COL3A1: variants seen among roughly 807,000 people sequenced by gnomAD.
COL3A1 encodes collagen alpha-1(III) chain.
Under a neutral mutation model 200.9 loss-of-function variants are expected in COL3A1, and 46 were observed. The observed-to-expected ratio is 0.23, with a 90% CI of 0.18 to 0.29. COL3A1 has a LOEUF of 0.29. Among genes scored for constraint, COL3A1 ranks in the 10% least tolerant of loss-of-function variants. COL3A1 has a pLI of 1.00. For missense variants in COL3A1, 1,367 were observed against 1,917.6 expected (o/e 0.71, Z 5.36); for synonymous variants, 650 against 628.0 (o/e 1.03, Z -0.52).
chr2:189,000,073 T>C (rs956998905), intron 32 of COL3A1, among the ~76,000 whole-genome samples, 178 bp downstream of exon 32: 2 of 152,152 alleles, frequency 1.3e-5, no homozygotes, highest in African/African-American at 4.8e-5. Flanking sequence ...GGCTACTTGA[T>C]AGATCTACAG....
chr2:188,986,598 C>T (rs969895885), intron 4 of COL3A1, among the ~76,000 whole-genome samples: 4 of 151,908 alleles, frequency 2.6e-5, no homozygotes, highest in African/African-American at 9.7e-5. Context: ...ATCTTTTAGT[C>T]ATATTAACCA....
chr2:188,976,357 G>T (rs1307386253), intron 1 of COL3A1, among the ~76,000 whole-genome samples: 3 of 151,884 alleles, frequency 2.0e-5, no homozygotes, highest in Non-Finnish European at 4.4e-5. Flanking sequence ...TTTCTCTTTA[G>T]ATGCAAAAAA....
rs200449080 is a variant in COL3A1, at chr2:189,007,472, G to A, written c.3256-28G>A. On this transcript the variant is annotated intron_variant, in intron 44 of 50. Transcript: ENST00000304636. ...TTTTCCAATATGTATGTGTGTATAT[G>A]ACTTCAATTCAAAATATGTTTCTAA... 7.2e-3 allele frequency: 11,164 copies of A among 1,550,406 alleles called. 57 individuals carry two copies. Among genetic ancestry groups the A allele is most frequent in the Non-Finnish European group, 8.7e-3 (9,872 of 1,128,774 alleles).
chr2:188,999,730 T>G, intron 31 of COL3A1, 112 bp from the exon 32 acceptor site: 1 of 1,369,668 alleles, frequency 7.3e-7, no homozygotes, highest in Non-Finnish European at 1.0e-6. Flanking sequence ...AAAGCAACAA[T>G]GAATTAGAAC....
chr2:188,984,615 C>A lies in COL3A1; in HGVS notation c.80-145C>A, dbSNP rs1361200574. 3 of 709,934 alleles carry A rather than the reference C, an allele frequency of 4.2e-6. No homozygotes were observed. The East Asian group carries it at 8.0e-5, about 19-fold the overall frequency. The allele number at this position is 709,934 out of a possible 1,614,324, so 44.0% of individuals were successfully genotyped here. On this transcript the variant is annotated intron_variant, in intron 1 of 50. Coordinates refer to ENST00000304636, the MANE Select transcript of COL3A1 (RefSeq NM_000090.4). ...TTGCTACTTAGCAAATTACATAGGGCAAGTATAATTTTCTAATGAAAGGAA... is the reference window on the plus strand; with the variant it reads ...TTGCTACTTAGCAAATTACATAGGGAAAGTATAATTTTCTAATGAAAGGAA...
At chr2:188,974,593 A>G (rs1271672215) in intron 1 of COL3A1, 25 bp downstream of exon 1, 13 of 1,589,488 alleles carry the variant, frequency 8.2e-6, no homozygotes, top group Non-Finnish European at 1.1e-5. Flanking sequence ...ATTTCAAGAA[A>G]CTTTATGGGA....
rs1056924348 is a variant in COL3A1 at position 188,994,535 on chromosome 2, C to T, written c.1294-6C>T. On this transcript the variant is annotated splice_polypyrimidine_tract_variant and splice_region_variant and intron_variant, in intron 18 of 50. Coordinates refer to ENST00000304636, the MANE Select transcript of COL3A1 (RefSeq NM_000090.4). This position sits in a 1 kb window ranked among gnomAD's most constrained non-coding sequence, Gnocchi z 4.5. Reference sequence around the variant, plus strand: ...GTGTTTCAACCAAGACTTTGTTATACTTTAGGGTGAGCCTGGTAAGAATGG... The same window carrying T: ...GTGTTTCAACCAAGACTTTGTTATATTTTAGGGTGAGCCTGGTAAGAATGG... 1.2e-6 allele frequency: 2 copies of T among 1,614,008 alleles called. No homozygotes were observed. Among genetic ancestry groups the T allele is most frequent in the Non-Finnish European group, 1.7e-6 (2 of 1,179,980 alleles).
Position 188,999,805 on chromosome 2 carries a change from T to A in COL3A1, c.2230-37T>A, listed in dbSNP as rs531144271. 2.3e-5 allele frequency: 37 copies of A among 1,578,332 alleles called. No homozygotes were observed. In the South Asian group the frequency reaches 4.1e-4, roughly 17 times the overall value. The stretch of plus-strand genomic sequence containing the variant: ...CTTCTTGGCTGATTTTCACTGAAGA[T>A]ACTTTGAATCTGATGACATTGGCTT... On this transcript the variant is annotated intron_variant, in intron 31 of 50. Transcript: ENST00000304636.
chr2:188,993,543 A>G (rs1688233392), intron 16 of COL3A1, 84 bp downstream of exon 16: 3 of 1,168,826 alleles, frequency 2.6e-6, no homozygotes, highest in Non-Finnish European at 3.7e-6. Context: ...CCATGAAAGC[A>G]TGTGCTTCAA....
chr2:188,979,503 C>T (rs1687905482), intron 1 of COL3A1, among the ~76,000 whole-genome samples: 1 of 151,782 alleles, frequency 6.6e-6, no homozygotes, highest in African/African-American at 2.4e-5. Flanking sequence ...AAAATGTATG[C>T]AGGGTTTCTG....
intron 1 of COL3A1, among the ~76,000 whole-genome samples, chr2:188,977,415 G>C (rs1482779754): frequency 6.6e-6 from 1 of 152,050 alleles, no homozygotes; most frequent in Non-Finnish European, 1.5e-5. Context: ...GACGTCATGA[G>C]AGTATATTTT....
intron 40 of COL3A1, among the ~76,000 whole-genome samples, chr2:189,004,977 A>G (rs1051717456): frequency 3.3e-5 from 5 of 152,220 alleles, no homozygotes; most frequent in Non-Finnish European, 5.9e-5. Context: ...GTAAGTGTAT[A>G]TTCTTCAGAT....
At position 189,005,411 on chromosome 2, in the gene COL3A1, A is replaced by C; in HGVS notation, c.2993A>C (p.Gln998Pro). ...LSGERGPPGP[Q>P]GLPGLAGTAG... ...GGAGAACGTGGTCCCCCTGGACCCCAGGGTCTTCCTGGTCTGGCTGGTACA... is the reference window on the plus strand; with the variant it reads ...GGAGAACGTGGTCCCCCTGGACCCCCGGGTCTTCCTGGTCTGGCTGGTACA... Residue 998 changes from glutamine (Q) to proline (P), a missense_variant, in exon 41 of 51, where the codon CAG becomes CCG. Gln to Pro is a moderately conservative substitution (Grantham distance 76). This residue lies in a region of COL3A1 where 846 missense variants were observed against 1,147.9 expected (regional missense o/e 0.74). Transcript: ENST00000304636. 4 of 1,614,122 alleles carry C rather than the reference A, an allele frequency of 2.5e-6. No homozygotes were observed. Among genetic ancestry groups the C allele is most frequent in the Non-Finnish European group, 3.4e-6 (4 of 1,179,976 alleles).
chr2:188,991,629 C>T, intron 12 of COL3A1, 40 bp from the exon 13 acceptor site: 1 of 1,612,218 alleles, frequency 6.2e-7, no homozygotes. Flanking sequence ...TTACACATGT[C>T]AAGATTAGAG....
At position 188,994,843 on chromosome 2, in the gene COL3A1, A is replaced by C; in HGVS notation, c.1455+12A>C. On this transcript the variant is annotated intron_variant, in intron 20 of 50. Transcript: ENST00000304636. This position sits in a 1 kb window ranked among gnomAD's most constrained non-coding sequence, Gnocchi z 4.5. ...CTGCAGGAGAAAGGGTACGTTTTCC[A>C]TGGGGCATCTAAAAGAAAAGCAGCA... 1 of 1,612,312 alleles carries C rather than the reference A, an allele frequency of 6.2e-7. No individual in the cohort carries two copies. The highest frequency in any genetic ancestry group is 8.5e-7 in the Non-Finnish European group (1 of 1,179,314).
In COL3A1 at chr2:188,996,158, G is replaced by T. The variant is rs1293397335; in HGVS notation, c.1642G>T (p.Asp548Tyr). The change falls in exon 23 of 51, where the codon GAT (aspartate) becomes TAT (tyrosine). Residue 548 changes from aspartate (D) to tyrosine (Y), a missense_variant. Asp to Tyr is a radical substitution (Grantham distance 160). This residue lies in a region of COL3A1 where 462 missense variants were observed against 681.4 expected (regional missense o/e 0.68). Coordinates refer to ENST00000304636, the MANE Select transcript of COL3A1 (RefSeq NM_000090.4). Reference sequence around the variant, plus strand: ...CGGAAGTCCAGGAGGACCAGGAAGTGATGGGAAACCAGGGCCTCCCGTATG... The same window carrying T: ...CGGAAGTCCAGGAGGACCAGGAAGTTATGGGAAACCAGGGCCTCCCGTATG... ...MPGSPGGPGSDGKPGPPGSQG... is the reference protein window; with the variant it reads ...MPGSPGGPGSYGKPGPPGSQG... 6.2e-7 allele frequency: 1 copy of T among 1,613,692 alleles called. No individual in the cohort carries two copies.
At chr2:188,998,413 A>T (rs188715950) in intron 28 of COL3A1, 94 bp downstream of exon 28, 653 of 1,121,248 alleles carry the variant, frequency 5.8e-4, no homozygotes, top group Non-Finnish European at 7.8e-4. Context: ...TTATGCCATG[A>T]TATTTGAGAT....
chr2:188,983,590 T>C (rs929806128), intron 1 of COL3A1, among the ~76,000 whole-genome samples: 7 of 151,924 alleles, frequency 4.6e-5, no homozygotes, highest in African/African-American at 1.7e-4. Context: ...GGAAAAATCT[T>C]AGGACCACTA....
At chr2:188,987,033 C>A in intron 4 of COL3A1, 26 bp from the exon 5 acceptor site, 1 of 1,574,464 alleles carries the variant, frequency 6.4e-7, no homozygotes, top group South Asian at 1.1e-5. Flanking sequence ...TTAAAATGAT[C>A]ATATCTATTT....
Sources: allele counts gnomAD v4.1 joint callset (sites outside exome capture counted in the v4.1 genomes callset), GRCh38; gene constraint gnomAD v4.1.1; regional missense constraint gnomAD v4.1.1; non-coding constraint Gnocchi (gnomAD v3.1); transcripts MANE v1.5; gene names NCBI Gene and HGNC (gene_info 2026-07-23, HGNC 2026-07-21).